The following PRKCH variants were observed in gnomAD, a reference collection of about 807,000 sequenced individuals.
PRKCH encodes the protein protein kinase C eta.
A neutral mutation model predicts 82.5 loss-of-function variants in PRKCH; 28 were observed. That is an observed-to-expected ratio of 0.34 (90% CI 0.25 to 0.47). The LOEUF is 0.47. Among genes scored for constraint, PRKCH ranks in the 20% least tolerant of loss-of-function variants. The pLI, the probability that PRKCH is intolerant of heterozygous loss-of-function variation, is 1.00. For missense variants in PRKCH, 705 were observed against 881.8 expected, an observed-to-expected ratio of 0.80 and a Z score of 2.54; for synonymous variants, 322 against 327.4, an observed-to-expected ratio of 0.98 and a Z score of 0.18.
chr14:61,501,038 A>C (rs1886882222), intron 10 of PRKCH, among the ~76,000 whole-genome samples: 1 of 152,180 alleles, frequency 6.6e-6, no homozygotes, highest in Non-Finnish European at 1.5e-5. Flanking sequence ...ACTTACCCCC[A>C]CAATGTACTG....
At chr14:61,396,798 TG>T (rs1169092664) in intron 2 of PRKCH, among the ~76,000 whole-genome samples, 2 of 151,480 alleles carry the variant, frequency 1.3e-5, no homozygotes, top group African/African-American at 4.9e-5. Context: ...GGGAGTGGGA[TG>T]GGGGGATGTG....
At chr14:61,503,755 G>A (rs1566917653) in intron 10 of PRKCH, among the ~76,000 whole-genome samples, 1 of 152,092 alleles carries the variant, frequency 6.6e-6, no homozygotes, top group Non-Finnish European at 1.5e-5. Flanking sequence ...TGTCTCAGGG[G>A]CAGCTGTGCT....
intron 1 of PRKCH, among the ~76,000 whole-genome samples, chr14:61,189,963 CTCTT>C (rs1245028064): frequency 1.3e-5 from 2 of 152,114 alleles, no homozygotes; most frequent in African/African-American, 4.8e-5. Context: ...CCTTCTCTCT[CTCTT>C]TTTCTTTCTG....
intron 1 of PRKCH, among the ~76,000 whole-genome samples, chr14:61,237,508 C>A (rs1037463883): frequency 4.6e-5 from 7 of 152,174 alleles, no homozygotes; most frequent in African/African-American, 1.7e-4. Context: ...GAAACATTTA[C>A]AATCTATTCT....
chr14:61,236,173 C>T (rs1335765360), intron 1 of PRKCH, among the ~76,000 whole-genome samples: 1 of 152,112 alleles, frequency 6.6e-6, no homozygotes, highest in African/African-American at 2.4e-5. Flanking sequence ...AGTTTGAGAC[C>T]AGCCTGGCCA....
At chr14:61,420,005 C>T (rs868489315) in intron 2 of PRKCH, among the ~76,000 whole-genome samples, 9 of 152,198 alleles carry the variant, frequency 5.9e-5, no homozygotes, top group Non-Finnish European at 8.8e-5. Context: ...ACAAAATACT[C>T]AGCTTCTGTG....
intron 7 of PRKCH, among the ~76,000 whole-genome samples, chr14:61,456,602 A>G (rs1204280382): frequency 6.6e-6 from 1 of 152,240 alleles, no homozygotes; most frequent in African/African-American, 2.4e-5. Context: ...TTATTTATAC[A>G]TGGATATAGA....
chr14:61,241,492 T>A (rs1230597973), intron 1 of PRKCH, among the ~76,000 whole-genome samples: 1 of 152,242 alleles, frequency 6.6e-6, no homozygotes, highest in Non-Finnish European at 1.5e-5. Context: ...TCATCCCCCA[T>A]CCTGAAGCTA....
intron 1 of PRKCH, among the ~76,000 whole-genome samples, chr14:61,231,361 A>ATTT (rs1158357722): frequency 5.4e-5 from 3 of 56,016 alleles, no homozygotes; most frequent in African/African-American, 1.4e-4. Flanking sequence ...AATCCAGATG[A>ATTT]ATTTTTTTTT....
intron 10 of PRKCH, among the ~76,000 whole-genome samples, chr14:61,515,302 T>C (rs2139981837): frequency 6.6e-6 from 1 of 152,308 alleles, no homozygotes; most frequent in South Asian, 2.1e-4. Context: ...AGAATGGAAA[T>C]AAAGTTCTCC....
intron 7 of PRKCH, 108 bp from the exon 8 acceptor site, chr14:61,457,068 A>C: frequency 8.1e-7 from 1 of 1,231,270 alleles, no homozygotes. Context: ...TCTTTCCCCC[A>C]CGTTATACTG....
chr14:61,472,108 G>C (rs370128461), intron 9 of PRKCH, among the ~76,000 whole-genome samples: 17 of 152,198 alleles, frequency 1.1e-4, no homozygotes, highest in African/African-American at 3.9e-4. Flanking sequence ...GAAGCGTGCA[G>C]CGTCTGTTTA....
chr14:61,272,001 G>A (rs1243623675), intron 1 of PRKCH, among the ~76,000 whole-genome samples: 3 of 152,156 alleles, frequency 2.0e-5, no homozygotes, highest in Non-Finnish European at 4.4e-5. Context: ...CGAGGCGGGC[G>A]GATCACGAGG....
chr14:61,318,836 T>C (rs941340598), upstream of PRKCH, among the ~76,000 whole-genome samples: 3 of 152,114 alleles, frequency 2.0e-5, no homozygotes, highest in Non-Finnish European at 4.4e-5. Context: ...TACAGGCACA[T>C]GCCACCACAT....
intron 2 of PRKCH, among the ~76,000 whole-genome samples, chr14:61,393,900 C>A (rs1310473383): frequency 6.6e-6 from 1 of 152,244 alleles, no homozygotes; most frequent in African/African-American, 2.4e-5. Context: ...GTGTCAGATT[C>A]TCTCTAGTTT....
At chr14:61,528,292 C>T (rs1293879422) in intron 10 of PRKCH, among the ~76,000 whole-genome samples, 1 of 152,030 alleles carries the variant, frequency 6.6e-6, no homozygotes, top group Non-Finnish European at 1.5e-5. Context: ...CTCCTGGGCT[C>T]AAGTAATCCT....
intron 1 of PRKCH, among the ~76,000 whole-genome samples, chr14:61,224,932 C>A (rs1317239471): frequency 6.6e-6 from 1 of 152,198 alleles, no homozygotes; most frequent in African/African-American, 2.4e-5. Flanking sequence ...CCAAGTGGTA[C>A]TTTCCTAGCA....
At chr14:61,269,702 G>A (rs9788493) in intron 1 of PRKCH, among the ~76,000 whole-genome samples, 131,885 of 152,240 alleles carry the variant, frequency 0.87, 57,195 homozygotes, top group Middle Eastern at 0.9. Flanking sequence ...TTTTGCTGTC[G>A]TTTGCATTAG....
intron 2 of PRKCH, among the ~76,000 whole-genome samples, chr14:61,403,812 T>TGTCA (rs1201858843): frequency 2.0e-5 from 3 of 152,208 alleles, no homozygotes; most frequent in Non-Finnish European, 2.9e-5. Context: ...AGAGGCTGAC[T>TGTCA]CGTTTGTTAA....
Sources: allele counts gnomAD v4.1 joint callset (sites outside exome capture counted in the v4.1 genomes callset), GRCh38; gene constraint gnomAD v4.1.1; transcripts MANE v1.5; gene names NCBI Gene and HGNC (gene_info 2026-07-23, HGNC 2026-07-21).